COL24A1: variants seen among roughly 807,000 people sequenced by gnomAD.
The protein encoded by COL24A1 is collagen alpha-1(XXIV) chain.
In COL24A1, 224 loss-of-function variants were observed where a neutral mutation model predicts 253.9. The ratio of observed to expected loss-of-function variants is 0.88; its 90% CI spans 0.79 to 0.99. The LOEUF is 0.99. Among genes scored for constraint, COL24A1 ranks in the 50% least tolerant of loss-of-function variants. COL24A1 has a pLI of 0.00. For missense variants in COL24A1, 2,131 were observed against 2,068.5 expected, an observed-to-expected ratio of 1.03 and a Z score of -0.59; for synonymous variants, 685 against 673.7, an observed-to-expected ratio of 1.02 and a Z score of -0.26.
At chr1:85,874,917 T>C (rs1470103489) in intron 34 of COL24A1, among the ~76,000 whole-genome samples, 3 of 152,180 alleles carry the variant, frequency 2.0e-5, no homozygotes, top group Non-Finnish European at 4.4e-5. Flanking sequence ...GTGGCAGCAT[T>C]AGATTCTCAT....
At chr1:86,136,506 A>G (rs1365503465) in intron 2 of COL24A1, among the ~76,000 whole-genome samples, 2 of 152,108 alleles carry the variant, frequency 1.3e-5, no homozygotes, top group African/African-American at 4.8e-5. Flanking sequence ...ATCCAAGGCC[A>G]AAAATGGGAA....
At chr1:85,813,979 G>A (rs554824298) in intron 47 of COL24A1, among the ~76,000 whole-genome samples, 8 of 152,258 alleles carry the variant, frequency 5.3e-5, no homozygotes, top group East Asian at 1.9e-4. Context: ...AATGTCATTG[G>A]TGGCACCCTA....
At position 85,842,126 on chromosome 1, in the gene COL24A1, G is replaced by C; in HGVS notation, c.3517-5C>G. On this transcript the variant is annotated splice_polypyrimidine_tract_variant and splice_region_variant and intron_variant, in intron 40 of 59. Transcript: ENST00000370571. ...TCCTGGTTGGCCCTGATGGCCCTACGAAAGGACAAGTAGACATTTATACAT... is the reference window on the plus strand; with the variant it reads ...TCCTGGTTGGCCCTGATGGCCCTACCAAAGGACAAGTAGACATTTATACAT... 7 of 1,613,000 alleles carry C rather than the reference G, an allele frequency of 4.3e-6. No homozygotes were observed. Among genetic ancestry groups the C allele is most frequent in the Non-Finnish European group, 5.9e-6 (7 of 1,179,162 alleles).
At chr1:85,736,093 A>G in intron 58 of COL24A1, 1 of 300,216 alleles carries the variant, frequency 3.3e-6, no homozygotes, top group South Asian at 3.3e-5. Context: ...TTCGGGTATA[A>G]CACTAATCTG....
At chr1:86,099,837 A>T (rs1704291299) in intron 5 of COL24A1, among the ~76,000 whole-genome samples, 1 of 152,170 alleles carries the variant, frequency 6.6e-6, no homozygotes, top group African/African-American at 2.4e-5. Context: ...GACAGCCAGA[A>T]GTATCCTAGA....
intron 12 of COL24A1, among the ~76,000 whole-genome samples, chr1:86,043,009 G>C (rs947796606): frequency 6.6e-6 from 1 of 152,124 alleles, no homozygotes; most frequent in African/African-American, 2.4e-5. Context: ...AGATTTTGAA[G>C]TTTTTCATGG....
intron 55 of COL24A1, among the ~76,000 whole-genome samples, chr1:85,760,781 G>C (rs762179018): frequency 2.0e-5 from 3 of 152,104 alleles, no homozygotes; most frequent in Non-Finnish European, 4.4e-5. Flanking sequence ...ACCTTTCATA[G>C]GGAGCAGAAA....
At chr1:86,037,280 C>A (rs980813540) in intron 12 of COL24A1, among the ~76,000 whole-genome samples, 1 of 152,146 alleles carries the variant, frequency 6.6e-6, no homozygotes, top group Non-Finnish European at 1.5e-5. Context: ...GTGTAGCTAG[C>A]ACCTATGACT....
At chr1:85,819,885 T>A (rs1250268431) in intron 45 of COL24A1, among the ~76,000 whole-genome samples, 4 of 150,144 alleles carry the variant, frequency 2.7e-5, no homozygotes, top group African/African-American at 9.8e-5. Context: ...TCTCACTCTG[T>A]CACCCAGGTT....
At chr1:85,736,330 A>G (rs988664897) in intron 58 of COL24A1, 39 of 456,122 alleles carry the variant, frequency 8.6e-5, no homozygotes, top group African/African-American at 7.6e-4. Context: ...TTGGTCATGG[A>G]AACAACTAGA....
intron 38 of COL24A1, among the ~76,000 whole-genome samples, chr1:85,848,014 C>T (rs998755009): frequency 6.6e-6 from 1 of 151,992 alleles, no homozygotes. Context: ...CATGTTGAAT[C>T]CAAATAACCG....
intron 42 of COL24A1, among the ~76,000 whole-genome samples, chr1:85,840,527 TA>T (rs1676490798): frequency 6.6e-6 from 1 of 152,180 alleles, no homozygotes; most frequent in African/African-American, 2.4e-5. Context: ...TGTTTTACTC[TA>T]TATAATACTA....
At chr1:86,108,980 C>A (rs2102121529) in intron 5 of COL24A1, among the ~76,000 whole-genome samples, 1 of 152,156 alleles carries the variant, frequency 6.6e-6, no homozygotes, top group East Asian at 1.9e-4. Flanking sequence ...ACTTTTGCAC[C>A]AACCTAGAAG....
intron 45 of COL24A1, among the ~76,000 whole-genome samples, chr1:85,819,902 C>T (rs373652619): frequency 3.4e-5 from 5 of 146,538 alleles, no homozygotes; most frequent in East Asian, 4.1e-4. Context: ...GGTTGGAGTA[C>T]AGTGTCATGA....
intron 3 of COL24A1, among the ~76,000 whole-genome samples, chr1:86,121,642 A>G (rs1033980643): frequency 6.6e-6 from 1 of 152,144 alleles, no homozygotes; most frequent in Non-Finnish European, 1.5e-5. Flanking sequence ...AGGGATAGGA[A>G]TATATAGAAT....
chr1:85,879,456 A>G lies in COL24A1; in HGVS notation c.2977-2281T>C, dbSNP rs149493249. Among the ~76,000 whole-genome samples, 522 of 152,104 alleles carry G rather than the reference A, an allele frequency of 3.4e-3. 1 individual carries two copies. Among genetic ancestry groups the G allele is most frequent in the Admixed American group, 6.1e-3 (93 of 15,272 alleles). On this transcript the variant is annotated intron_variant, in intron 32 of 59. Transcript: ENST00000370571. The stretch of plus-strand genomic sequence containing the variant: ...GTAGAACAAAGAGTATAACTGTTCT[A>G]TTTCTGGGCTTACCACTCTGTTCCA...
intron 2 of COL24A1, among the ~76,000 whole-genome samples, chr1:86,137,271 A>G (rs929235460): frequency 6.6e-6 from 1 of 152,174 alleles, no homozygotes; most frequent in East Asian, 1.9e-4. Flanking sequence ...GCACTATATT[A>G]GGTGCTTTAC....
At chr1:86,000,814 T>A (rs1695321926) in intron 19 of COL24A1, among the ~76,000 whole-genome samples, 1 of 152,172 alleles carries the variant, frequency 6.6e-6, no homozygotes, top group Admixed American at 6.5e-5. Context: ...AAGTACATCA[T>A]CCAAAATTCA....
intron 2 of COL24A1, among the ~76,000 whole-genome samples, chr1:86,138,827 T>C (rs1303654553): frequency 1.3e-5 from 2 of 151,962 alleles, no homozygotes; most frequent in Non-Finnish European, 2.9e-5. Context: ...TTGAATTTCT[T>C]GCCATAACAA....
Sources: allele counts gnomAD v4.1 joint callset (sites outside exome capture counted in the v4.1 genomes callset), GRCh38; gene constraint gnomAD v4.1.1; transcripts MANE v1.5; gene names NCBI Gene and HGNC (gene_info 2026-07-23, HGNC 2026-07-21).